The following NEK10 variants were observed in gnomAD, a reference collection of about 807,000 sequenced individuals.
NEK10 encodes NIMA related kinase 10.
Under a neutral mutation model 159.8 loss-of-function variants are expected in NEK10, and 122 were observed. The ratio of observed to expected loss-of-function variants is 0.76; its 90% CI spans 0.66 to 0.89. The LOEUF (loss-of-function observed/expected upper bound fraction) is 0.89, where lower values mean the gene tolerates loss of function less well. Among genes scored for constraint, NEK10 ranks in the 40% least tolerant of loss-of-function variants. The pLI is 0.00. For synonymous variants in NEK10, 466 were observed against 457.1 expected, an observed-to-expected ratio of 1.02 and a Z score of -0.25; for missense variants, 1,342 against 1,323.1, an observed-to-expected ratio of 1.01 and a Z score of -0.22.
In NEK10 at chr3:27,251,067, G is replaced by A. The variant is rs77728830; in HGVS notation, c.2090+5229C>T. On this transcript the variant is annotated intron_variant, in intron 23 of 35. Coordinates refer to ENST00000691995, the MANE Select transcript of NEK10 (RefSeq NM_001394966.1). ...CAGCCAGGCACTGTTCCCAGCATGT[G>A]ACATGTATCACCTCATTTAATCTCA... Among the ~76,000 whole-genome samples, 1,248 of 152,224 alleles carry A rather than the reference G, an allele frequency of 8.2e-3. 31 individuals carry two copies. The highest frequency in any genetic ancestry group is 0.028 in the African/African-American group (1,175 of 41,494).
chr3:27,248,571 G>C (rs1396473710), intron 23 of NEK10, among the ~76,000 whole-genome samples: 1 of 151,900 alleles, frequency 6.6e-6, no homozygotes, highest in South Asian at 2.1e-4. Flanking sequence ...ATTATTATTT[G>C]TTTCAAAAAT....
At chr3:27,253,467 G>C (rs1369481346) in intron 23 of NEK10, among the ~76,000 whole-genome samples, 3 of 152,266 alleles carry the variant, frequency 2.0e-5, no homozygotes, top group East Asian at 3.9e-4. Context: ...ACAAATACCT[G>C]CCTAATAATA....
At chr3:27,163,414 C>T (rs904570400) in intron 29 of NEK10, among the ~76,000 whole-genome samples, 2 of 151,860 alleles carry the variant, frequency 1.3e-5, no homozygotes, top group Admixed American at 6.6e-5. Flanking sequence ...TGCAGTGACG[C>T]GATCTCAGCT....
intron 23 of NEK10, among the ~76,000 whole-genome samples, chr3:27,250,191 A>ATT (rs200065636): frequency 1.3e-4 from 18 of 143,514 alleles, no homozygotes; most frequent in East Asian, 6.0e-4. Context: ...TGTATTTACT[A>ATT]TTTTTTTTTT....
intron 5 of NEK10, among the ~76,000 whole-genome samples, chr3:27,338,020 G>C (rs1045682174): frequency 2.0e-5 from 3 of 152,022 alleles, no homozygotes; most frequent in African/African-American, 7.2e-5. Flanking sequence ...GGGTATATAT[G>C]TGCCATGTTT....
chr3:27,318,155 C>T (rs895547215), intron 6 of NEK10, among the ~76,000 whole-genome samples: 6 of 152,154 alleles, frequency 3.9e-5, no homozygotes, highest in Non-Finnish European at 7.3e-5. Context: ...CTGGCCTTTA[C>T]CTATCTTTCT....
At chr3:27,115,788 G>A in intron 35 of NEK10, 152 bp downstream of exon 35, 1 of 608,924 alleles carries the variant, frequency 1.6e-6, no homozygotes, top group Non-Finnish European at 2.9e-6. Flanking sequence ...TCTACTTATA[G>A]ATGTATCTAG....
At chr3:27,329,188 T>C (rs1285517933) in intron 5 of NEK10, among the ~76,000 whole-genome samples, 3 of 152,200 alleles carry the variant, frequency 2.0e-5, no homozygotes, top group African/African-American at 7.2e-5. Flanking sequence ...CTGCCATCCA[T>C]GTAAGACATG....
At chr3:27,180,857 C>A (rs981193451) in intron 26 of NEK10, among the ~76,000 whole-genome samples, 1 of 152,076 alleles carries the variant, frequency 6.6e-6, no homozygotes, top group Non-Finnish European at 1.5e-5. Context: ...TCCTACTCAG[C>A]GGCCACCTAT....
chr3:27,228,270 A>G (rs1037614496), intron 23 of NEK10, among the ~76,000 whole-genome samples: 1 of 152,152 alleles, frequency 6.6e-6, no homozygotes, highest in Non-Finnish European at 1.5e-5. Flanking sequence ...CACTTCTTAC[A>G]CATCTTACTC....
chr3:27,189,326 C>A (rs555897648), intron 26 of NEK10, among the ~76,000 whole-genome samples: 1 of 152,120 alleles, frequency 6.6e-6, no homozygotes, highest in East Asian at 1.9e-4. Context: ...GAATACTTCC[C>A]CATGAAATAG....
chr3:27,283,529 G>A (rs1465884159), intron 22 of NEK10, among the ~76,000 whole-genome samples: 3 of 152,058 alleles, frequency 2.0e-5, no homozygotes, highest in Non-Finnish European at 4.4e-5. Flanking sequence ...AAAAACATTT[G>A]GAGACTGCTG....
intron 5 of NEK10, among the ~76,000 whole-genome samples, chr3:27,341,105 C>CA (rs1168504557): frequency 6.6e-6 from 1 of 151,956 alleles, no homozygotes; most frequent in African/African-American, 2.4e-5. Context: ...CATAGAAAGA[C>CA]AAATATTATG....
chr3:27,260,016 T>A (rs552877634), intron 22 of NEK10, among the ~76,000 whole-genome samples: 1 of 152,226 alleles, frequency 6.6e-6, no homozygotes, highest in African/African-American at 2.4e-5. Flanking sequence ...TTTGGCTCTA[T>A]GTTTTTCTGT....
intron 31 of NEK10, among the ~76,000 whole-genome samples, chr3:27,135,844 C>G (rs1943135555): frequency 6.6e-6 from 1 of 152,122 alleles, no homozygotes; most frequent in Non-Finnish European, 1.5e-5. Context: ...ATATCTTATT[C>G]TGTTAAATCT....
Position 27,256,350 on chromosome 3 carries a change from T to C in NEK10, c.2036A>G (p.Gln679Arg). 6.3e-7 allele frequency: 1 copy of C among 1,575,812 alleles called. No homozygotes were observed. The highest frequency in any genetic ancestry group is 8.6e-7 in the Non-Finnish European group (1 of 1,164,456). Residue 679 changes from glutamine to arginine, a missense_variant, in exon 23 of 36, where the codon CAA becomes CGA. By Grantham distance (43) the Gln-to-Arg change is conservative (BLOSUM62 1). Coordinates refer to ENST00000691995, the MANE Select transcript of NEK10 (RefSeq NM_001394966.1). ...VTVTDFGLAK[Q>R]KQENSKLTSV... is the part of the protein sequence containing the mutation. ...GGTGAGTTTACTGTTTTCTTGTTTTTGCTTTGCCAGGCCAAAGTCAGCTAC... is the reference window on the plus strand; with the variant it reads ...GGTGAGTTTACTGTTTTCTTGTTTTCGCTTTGCCAGGCCAAAGTCAGCTAC...
At chr3:27,154,915 A>G (rs1023441815) in intron 30 of NEK10, among the ~76,000 whole-genome samples, 2 of 152,058 alleles carry the variant, frequency 1.3e-5, no homozygotes, top group Non-Finnish European at 2.9e-5. Context: ...TCTCACCACT[A>G]CTCTTCAACA....
chr3:27,266,665 C>T (rs141867944), intron 22 of NEK10, among the ~76,000 whole-genome samples: 156 of 152,302 alleles, frequency 1.0e-3, no homozygotes, highest in African/African-American at 3.7e-3. Flanking sequence ...AGCATCAAAT[C>T]CACCCTTCAT....
At chr3:27,212,685 C>A (rs1377664497) in intron 23 of NEK10, among the ~76,000 whole-genome samples, 1 of 152,086 alleles carries the variant, frequency 6.6e-6, no homozygotes, top group African/African-American at 2.4e-5. Flanking sequence ...TAGTTATTTC[C>A]GGGAAGTAGA....
Sources: gnomAD v4.1 joint callset for allele counts (sites outside exome capture counted in the v4.1 genomes callset) on GRCh38, gnomAD v4.1.1 for gene constraint, MANE v1.5 for transcripts, NCBI Gene and HGNC (gene_info 2026-07-23, HGNC 2026-07-21) for gene names.